Variants in NCKAP5 observed in about 807,000 individuals in gnomAD.
NCKAP5 encodes the protein nck-associated protein 5.
A neutral mutation model predicts 167.0 loss-of-function variants in NCKAP5; 92 were observed. The observed-to-expected ratio is 0.55, with a 90% CI of 0.47 to 0.66. The LOEUF is 0.66. NCKAP5 is among the 30% of genes least tolerant of loss of function. The pLI is 0.00. For synonymous variants in NCKAP5, 891 were observed against 877.4 expected (o/e 1.02, Z -0.27); for missense variants, 2,378 against 2,315.0 (o/e 1.03, Z -0.56).
At chr2:133,511,897 G>A (rs1449309347) in intron 3 of NCKAP5, among the ~76,000 whole-genome samples, 1 of 152,128 alleles carries the variant, frequency 6.6e-6, no homozygotes, top group Non-Finnish European at 1.5e-5. Context: ...AGGGGCACAG[G>A]GCAAACGGTA....
chr2:132,722,983 C>A (rs973278970), intron 19 of NCKAP5, among the ~76,000 whole-genome samples: 1 of 151,686 alleles, frequency 6.6e-6, no homozygotes, highest in African/African-American at 2.4e-5. Context: ...ATCCACTACA[C>A]CTGTCTTATT....
intron 5 of NCKAP5, among the ~76,000 whole-genome samples, chr2:133,141,921 TACA>T (rs777086293): frequency 1.3e-5 from 2 of 152,150 alleles, no homozygotes; most frequent in African/African-American, 2.4e-5. Context: ...AAAGGTCAGC[TACA>T]ACATTTAAAA....
intron 1 of NCKAP5, among the ~76,000 whole-genome samples, chr2:133,567,050 G>T (rs1207948582): frequency 6.6e-6 from 1 of 152,226 alleles, no homozygotes; most frequent in South Asian, 2.1e-4. Flanking sequence ...TTCTGGGCTG[G>T]TGACAGAGCA....
At chr2:133,132,518 A>ACACACAC (rs1559173963) in intron 5 of NCKAP5, among the ~76,000 whole-genome samples, 30 of 110,532 alleles carry the variant, frequency 2.7e-4, no homozygotes, top group African/African-American at 1.2e-3. Context: ...CACACACACA[A>ACACACAC]ACCCTGATAA....
chr2:132,778,072 G>T (rs1211537067), intron 15 of NCKAP5, among the ~76,000 whole-genome samples: 1 of 151,916 alleles, frequency 6.6e-6, no homozygotes, highest in African/African-American at 2.4e-5. Flanking sequence ...TAAATCTACA[G>T]GAAAGAAGAA....
chr2:133,659,358 T>C, the NCKAP5 span, among the ~76,000 whole-genome samples: 1 of 152,172 alleles, frequency 6.6e-6, no homozygotes, highest in Non-Finnish European at 1.5e-5. Flanking sequence ...GGACCACAGA[T>C]GTAAACATAA....
chr2:132,734,163 A>G (rs78718892), intron 16 of NCKAP5, among the ~76,000 whole-genome samples: 2,429 of 152,166 alleles, frequency 0.016, 58 homozygotes, highest in African/African-American at 0.054. Flanking sequence ...TTCTCTTTTC[A>G]TTTTCTCCTC....
chr2:133,371,718 G>A (rs1685817371), intron 3 of NCKAP5, among the ~76,000 whole-genome samples: 1 of 152,142 alleles, frequency 6.6e-6, no homozygotes, highest in African/African-American at 2.4e-5. Context: ...TTTAACCTCT[G>A]AATCAATGAA....
chr2:132,780,995 C>A, intron 15 of NCKAP5, 57 bp downstream of exon 15: 1 of 1,544,232 alleles, frequency 6.5e-7, no homozygotes, highest in Non-Finnish European at 8.8e-7. Context: ...GGTAGAAAGA[C>A]CCCAGCCAGA....
intron 4 of NCKAP5, among the ~76,000 whole-genome samples, chr2:133,223,639 C>T (rs1403375289): frequency 2.0e-5 from 3 of 152,246 alleles, no homozygotes; most frequent in Middle Eastern, 3.4e-3. Context: ...TTTTCCAATA[C>T]GTAACATCAC....
chr2:133,624,991 A>G, the NCKAP5 span, among the ~76,000 whole-genome samples: 5 of 152,184 alleles, frequency 3.3e-5, no homozygotes, highest in Non-Finnish European at 5.9e-5. Context: ...AATGAGAGGA[A>G]CCACTCAGTA....
the NCKAP5 span, among the ~76,000 whole-genome samples, chr2:133,591,559 G>C: frequency 6.6e-6 from 1 of 152,318 alleles, no homozygotes; most frequent in South Asian, 2.1e-4. Flanking sequence ...ACAGCTTGGA[G>C]AACATTTTAA....
At chr2:133,082,968 C>T (rs113812388) in intron 6 of NCKAP5, among the ~76,000 whole-genome samples, 2,246 of 152,192 alleles carry the variant, frequency 0.015, 64 homozygotes, top group African/African-American at 0.05. Flanking sequence ...CATTCCTCCC[C>T]AGAAACGAAG....
intron 6 of NCKAP5, among the ~76,000 whole-genome samples, chr2:133,084,692 C>T (rs752340912): frequency 2.0e-5 from 3 of 152,166 alleles, no homozygotes; most frequent in Non-Finnish European, 4.4e-5. Context: ...AAACTTCATA[C>T]ATCAAGCTTT....
chr2:133,201,532 A>T (rs1298168529), intron 5 of NCKAP5, among the ~76,000 whole-genome samples: 2 of 152,214 alleles, frequency 1.3e-5, no homozygotes, highest in Non-Finnish European at 2.9e-5. Context: ...CATAAAGTAT[A>T]TCAATGATTG....
At chr2:132,976,315 A>T (rs2076974967) in intron 7 of NCKAP5, among the ~76,000 whole-genome samples, 3 of 152,202 alleles carry the variant, frequency 2.0e-5, no homozygotes, top group Admixed American at 1.3e-4. Context: ...CTGTAATCCC[A>T]GCACTTTGGG....
intron 8 of NCKAP5, among the ~76,000 whole-genome samples, chr2:132,899,398 A>T (rs1292280485): frequency 6.6e-6 from 1 of 152,258 alleles, no homozygotes; most frequent in Non-Finnish European, 1.5e-5. Context: ...TAATAGCCAT[A>T]AGGCTGTTTT....
chr2:133,667,947 C>T, the NCKAP5 span, among the ~76,000 whole-genome samples: 1 of 151,954 alleles, frequency 6.6e-6, no homozygotes, highest in Non-Finnish European at 1.5e-5. Flanking sequence ...TCCCAGTATC[C>T]CTTTTCCCAG....
chr2:132,942,416 T>G (rs1697366868), intron 8 of NCKAP5, among the ~76,000 whole-genome samples: 1 of 152,228 alleles, frequency 6.6e-6, no homozygotes, highest in Admixed American at 6.5e-5. Context: ...TCCCAGGTGA[T>G]GTCGACACTA....
Sources: allele counts gnomAD v4.1 joint callset (sites outside exome capture counted in the v4.1 genomes callset), GRCh38; gene constraint gnomAD v4.1.1; transcripts MANE v1.5; gene names NCBI Gene and HGNC (gene_info 2026-07-23, HGNC 2026-07-21).